Variants in COL25A1 observed in about 807,000 individuals in gnomAD.
The protein encoded by COL25A1 is collagen alpha-1(XXV) chain.
COL25A1 carries 103 observed loss-of-function variants against 128.4 expected under a neutral mutation model. The observed-to-expected ratio is 0.80, with a 90% CI of 0.68 to 0.94. The LOEUF is 0.94. Ranked by LOEUF, COL25A1 falls within the 40% of genes least tolerant of loss-of-function variation. COL25A1 has a pLI of 0.00. For missense variants in COL25A1, 745 were observed against 840.0 expected (o/e 0.89, Z 1.40); for synonymous variants, 279 against 277.2 (o/e 1.01, Z -0.06).
At chr4:109,188,657 T>C (rs1775342477) in intron 3 of COL25A1, among the ~76,000 whole-genome samples, 1 of 152,194 alleles carries the variant, frequency 6.6e-6, no homozygotes, top group Non-Finnish European at 1.5e-5. Context: ...TCATCATCTA[T>C]AGATCTATCT....
rs184408126 is a variant in COL25A1 at position 108,929,775 on chromosome 4, G to A, written c.708+8033C>T. On this transcript the variant is annotated intron_variant, in intron 11 of 37. Coordinates refer to ENST00000399132, the MANE Select transcript of COL25A1 (RefSeq NM_198721.4). ...CAGGAGTTTGAGGCTGAGGTGAGCTGTGATCATGCCACTGCACTGCAGGCC... is the reference window on the plus strand; with the variant it reads ...CAGGAGTTTGAGGCTGAGGTGAGCTATGATCATGCCACTGCACTGCAGGCC... 3.2e-3 allele frequency among the ~76,000 whole-genome samples: 494 copies of A among 152,208 alleles called. 2 individuals carry two copies. Among genetic ancestry groups the A allele is most frequent in the Non-Finnish European group, 5.2e-3 (356 of 68,010 alleles).
intron 3 of COL25A1, among the ~76,000 whole-genome samples, chr4:109,191,367 C>T (rs992644818): frequency 1.3e-5 from 2 of 152,080 alleles, no homozygotes; most frequent in African/African-American, 4.8e-5. Flanking sequence ...GGCCAGGAAC[C>T]CCAAACTCAT....
rs377644691 is a variant in COL25A1 at position 109,018,446 on chromosome 4, A to G, written c.421-8071T>C. On this transcript the variant is annotated intron_variant, in intron 5 of 37. Transcript: ENST00000399132. ...ACCATGTTCATCAGGCTGGTCTCAA[A>G]TTCCTGACCTCAGGTGATCCACCCA... is the stretch of plus-strand genomic sequence containing the variant. Among the ~76,000 whole-genome samples, 8 of 152,232 alleles carry G rather than the reference A, an allele frequency of 5.3e-5. No individual in the cohort carries two copies. The South Asian group carries it at 1.7e-3, about 32-fold the overall frequency.
intron 3 of COL25A1, among the ~76,000 whole-genome samples, chr4:109,256,085 GGTGTGT>G (rs60794002): frequency 0.098 from 14,031 of 143,290 alleles, 843 homozygotes; most frequent in East Asian, 0.21. Context: ...TTTAAGCATT[GGTGTGT>G]GTGTGTGTGT....
At chr4:109,031,413 G>A (rs1758850605) in intron 5 of COL25A1, among the ~76,000 whole-genome samples, 1 of 152,132 alleles carries the variant, frequency 6.6e-6, no homozygotes, top group Non-Finnish European at 1.5e-5. Flanking sequence ...ACCGCGCCAG[G>A]CCATGTTACA....
intron 37 of COL25A1, among the ~76,000 whole-genome samples, chr4:108,816,584 A>G (rs1471522476): frequency 2.0e-5 from 3 of 152,124 alleles, no homozygotes; most frequent in African/African-American, 4.8e-5. Context: ...GCACATATGG[A>G]TGATCTCTTC....
chr4:109,215,748 A>G (rs910688170), intron 3 of COL25A1, among the ~76,000 whole-genome samples: 16 of 152,168 alleles, frequency 1.1e-4, no homozygotes, highest in African/African-American at 3.6e-4. Context: ...CTTGCTCACC[A>G]TTGCATCCTC....
At chr4:108,817,278 T>C in intron 37 of COL25A1, 119 bp downstream of exon 37, 1 of 855,108 alleles carries the variant, frequency 1.2e-6, no homozygotes, top group Non-Finnish European at 1.9e-6. Context: ...CAAAAGATAT[T>C]CTGGAGATGA....
intron 3 of COL25A1, among the ~76,000 whole-genome samples, chr4:109,262,462 A>G (rs1255283587): frequency 6.6e-6 from 1 of 151,562 alleles, no homozygotes; most frequent in Non-Finnish European, 1.5e-5. Context: ...TACAGTGAGC[A>G]GAGATCACAC....
At chr4:109,105,336 T>G (rs1766325720) in intron 3 of COL25A1, among the ~76,000 whole-genome samples, 1 of 152,030 alleles carries the variant, frequency 6.6e-6, no homozygotes, top group Non-Finnish European at 1.5e-5. Context: ...TAGCTGAGCA[T>G]GGTGGTGCAC....
chr4:109,201,105 TC>T (rs774936486), intron 3 of COL25A1, among the ~76,000 whole-genome samples: 2 of 152,194 alleles, frequency 1.3e-5, no homozygotes, highest in African/African-American at 2.4e-5. Context: ...CTTATCTTCC[TC>T]ACTAACCACA....
chr4:109,081,796 C>G (rs1014002493), intron 3 of COL25A1, among the ~76,000 whole-genome samples: 1 of 151,990 alleles, frequency 6.6e-6, no homozygotes, highest in Non-Finnish European at 1.5e-5. Context: ...CTCCATCTCC[C>G]GGGCTCAAGC....
chr4:108,870,898 A>G (rs1376635257), intron 19 of COL25A1, among the ~76,000 whole-genome samples: 1 of 152,224 alleles, frequency 6.6e-6, no homozygotes, highest in Non-Finnish European at 1.5e-5. Flanking sequence ...TTCAAGTGAA[A>G]ATAAAATGAT....
intron 3 of COL25A1, among the ~76,000 whole-genome samples, chr4:109,148,389 A>G (rs560461971): frequency 2.2e-4 from 33 of 152,346 alleles, no homozygotes; most frequent in African/African-American, 7.5e-4. Context: ...TGCACAAAGA[A>G]TATATTGCCT....
intron 8 of COL25A1, among the ~76,000 whole-genome samples, chr4:108,953,180 C>G (rs951425378): frequency 6.6e-6 from 1 of 152,052 alleles, no homozygotes; most frequent in East Asian, 1.9e-4. Flanking sequence ...GTGACCTTAG[C>G]AACAAAAAGG....
At chr4:108,814,701 C>T (rs559384415) in intron 37 of COL25A1, among the ~76,000 whole-genome samples, 75 of 152,294 alleles carry the variant, frequency 4.9e-4, no homozygotes, top group African/African-American at 1.7e-3. Flanking sequence ...TAGAGACGTC[C>T]TTGACATTGG....
chr4:109,065,144 G>C (rs1762303083), intron 3 of COL25A1, among the ~76,000 whole-genome samples: 1 of 152,150 alleles, frequency 6.6e-6, no homozygotes, highest in South Asian at 2.1e-4. Context: ...ATTCCAAAGG[G>C]ATTGAGGAGG....
intron 3 of COL25A1, among the ~76,000 whole-genome samples, chr4:109,250,260 G>C (rs957408736): frequency 1.3e-5 from 2 of 151,632 alleles, no homozygotes; most frequent in African/African-American, 2.4e-5. Context: ...TAGAGAATTA[G>C]TATCATCCAA....
chr4:109,103,781 A>G (rs1766139578), intron 3 of COL25A1, among the ~76,000 whole-genome samples: 1 of 152,330 alleles, frequency 6.6e-6, no homozygotes, highest in African/African-American at 2.4e-5. Context: ...AAGTTGGATA[A>G]AAGATGGTGC....
Sources: gnomAD v4.1 joint callset for allele counts (sites outside exome capture counted in the v4.1 genomes callset) on GRCh38, gnomAD v4.1.1 for gene constraint, MANE v1.5 for transcripts, NCBI Gene and HGNC (gene_info 2026-07-23, HGNC 2026-07-21) for gene names.